Variants in COBL observed in about 807,000 individuals in gnomAD.
The protein encoded by COBL is protein cordon-bleu.
COBL carries 51 observed loss-of-function variants against 98.8 expected under a neutral mutation model. The observed-to-expected ratio is 0.52, with a 90% CI of 0.41 to 0.65. COBL has a LOEUF of 0.65. Among genes scored for constraint, COBL ranks in the 30% least tolerant of loss-of-function variants. The pLI, the probability that COBL is intolerant of heterozygous loss-of-function variation, is 0.00. For synonymous variants in COBL, 634 were observed against 651.7 expected, an observed-to-expected ratio of 0.97 and a Z score of 0.41; for missense variants, 1,617 against 1,617.5, an observed-to-expected ratio of 1.00 and a Z score of 0.01.
At chr7:51,283,295 A>C (rs564251168) in intron 1 of COBL, among the ~76,000 whole-genome samples, 1 of 152,200 alleles carries the variant, frequency 6.6e-6, no homozygotes, top group Non-Finnish European at 1.5e-5. Context: ...AAAAAAGAAG[A>C]TATCACTACA....
At chr7:51,141,138 A>G (rs899450356) in intron 5 of COBL, among the ~76,000 whole-genome samples, 8 of 152,134 alleles carry the variant, frequency 5.3e-5, no homozygotes, top group East Asian at 1.9e-4. Context: ...AAAAAAAAAA[A>G]AGAGAAATGG....
rs187871617 is a variant in COBL, at chr7:51,085,002, G to A, written c.1096+164C>T. ...CCAAATACTGCTAGTAAGATATGAA[G>A]TGAACTTGCAATTATTTCTTTCCAG... On this transcript the variant is annotated intron_variant, in intron 7 of 12. Coordinates refer to ENST00000265136, the MANE Select transcript of COBL (RefSeq NM_015198.5). Among the ~76,000 whole-genome samples the A allele has an allele frequency of 1.2e-4, 18 of 152,274 alleles. No individual in the cohort carries two copies. In the East Asian group the frequency reaches 3.3e-3, roughly 28 times the overall value.
rs5884200 is a variant in COBL at position 51,237,538 on chromosome 7, T to TAAAA, written c.42-17598_42-17595dup. Among the ~76,000 whole-genome samples the TAAAA allele has an allele frequency of 2.9e-3, 383 of 132,704 alleles. 4 individuals carry two copies. The highest frequency in any genetic ancestry group is 0.015 in the East Asian group (68 of 4,604). 87.1% of individuals were successfully genotyped at this position (132,704 alleles called of 152,430 possible). A position where few individuals can be genotyped will look rare whatever the true frequency, so the allele number is the denominator to read the frequency against. ...GAGTCCCTTAACCCTTTTTTTTTCT[T>TAAAA]AAAAAAAAAAAAAAAAAACTTCCAA... On this transcript the variant is annotated intron_variant, in intron 1 of 12. Coordinates refer to ENST00000265136, the MANE Select transcript of COBL (RefSeq NM_015198.5).
At chr7:51,237,168 C>G (rs1213057235) in intron 1 of COBL, among the ~76,000 whole-genome samples, 1 of 152,222 alleles carries the variant, frequency 6.6e-6, no homozygotes, top group African/African-American at 2.4e-5. Context: ...CCTCCCCAGA[C>G]TCCAGATCTG....
intron 10 of COBL, among the ~76,000 whole-genome samples, chr7:51,027,253 C>T (rs1470221255): frequency 6.6e-6 from 1 of 152,242 alleles, no homozygotes; most frequent in African/African-American, 2.4e-5. Context: ...AGTGCCTAGA[C>T]AATGGGCAAG....
At chr7:51,183,682 C>T (rs901594646) in intron 5 of COBL, among the ~76,000 whole-genome samples, 25 of 152,224 alleles carry the variant, frequency 1.6e-4, no homozygotes, top group Non-Finnish European at 2.9e-5. Flanking sequence ...TTCTCTGCCA[C>T]GAGGCATAAG....
chr7:51,030,516 T>G (rs1051459689), intron 9 of COBL, among the ~76,000 whole-genome samples: 1 of 152,250 alleles, frequency 6.6e-6, no homozygotes, highest in Non-Finnish European at 1.5e-5. Context: ...TGCGCCACCC[T>G]TTTTATTCTT....
chr7:51,112,731 T>C (rs1474522508), intron 6 of COBL, among the ~76,000 whole-genome samples: 2 of 152,166 alleles, frequency 1.3e-5, no homozygotes, highest in African/African-American at 4.8e-5. Context: ...CTTGGGGTCC[T>C]TGCATAAGAA....
chr7:51,063,105 T>C (rs1336797518), intron 7 of COBL, among the ~76,000 whole-genome samples: 1 of 151,522 alleles, frequency 6.6e-6, no homozygotes, highest in East Asian at 1.9e-4. Flanking sequence ...CTTGTGTGAC[T>C]GTATGAAGTA....
intron 5 of COBL, among the ~76,000 whole-genome samples, chr7:51,143,217 T>C (rs936390946): frequency 2.6e-5 from 4 of 152,146 alleles, no homozygotes; most frequent in South Asian, 4.1e-4. Flanking sequence ...CGTGTGTGTG[T>C]GTCTGTGTGA....
intron 5 of COBL, among the ~76,000 whole-genome samples, chr7:51,163,571 C>T (rs1027007985): frequency 6.6e-6 from 1 of 152,176 alleles, no homozygotes; most frequent in Non-Finnish European, 1.5e-5. Flanking sequence ...AGCCTTATTA[C>T]TTTGATTCAT....
intron 2 of COBL, among the ~76,000 whole-genome samples, chr7:51,209,908 A>G (rs1792245231): frequency 6.6e-6 from 1 of 152,188 alleles, no homozygotes; most frequent in African/African-American, 2.4e-5. Flanking sequence ...TTTTAGTCCA[A>G]TAACTGGTGA....
chr7:51,048,265 A>G (rs1389669402), intron 7 of COBL, among the ~76,000 whole-genome samples: 4 of 152,214 alleles, frequency 2.6e-5, no homozygotes, highest in African/African-American at 9.6e-5. Context: ...TTGACGTCTG[A>G]AAATTTCCAT....
chr7:51,174,239 T>C (rs1788148222), intron 5 of COBL, among the ~76,000 whole-genome samples: 1 of 152,174 alleles, frequency 6.6e-6, no homozygotes, highest in South Asian at 2.1e-4. Flanking sequence ...TATGCTCGGC[T>C]TGGAGCTGCT....
chr7:51,203,950 C>A (rs190304958), intron 2 of COBL, among the ~76,000 whole-genome samples: 1 of 152,108 alleles, frequency 6.6e-6, no homozygotes, highest in Admixed American at 6.5e-5. Context: ...ATATCCCTGA[C>A]GAACATGGAT....
chr7:51,273,320 T>C (rs1157146769), intron 1 of COBL, among the ~76,000 whole-genome samples: 3 of 98,124 alleles, frequency 3.1e-5, no homozygotes, highest in East Asian at 2.9e-4. Context: ...AGAATAAGAC[T>C]CCATCTCAAA....
intron 1 of COBL, among the ~76,000 whole-genome samples, chr7:51,246,569 G>A (rs1319152920): frequency 2.0e-5 from 3 of 152,182 alleles, no homozygotes; most frequent in Non-Finnish European, 4.4e-5. Flanking sequence ...AGAGAATCCT[G>A]CCTGCACACC....
At chr7:51,199,714 AC>A (rs1171592013) in intron 2 of COBL, among the ~76,000 whole-genome samples, 7 of 152,122 alleles carry the variant, frequency 4.6e-5, no homozygotes, top group Non-Finnish European at 8.8e-5. Context: ...TCAACAGAAA[AC>A]CTGATCGTGT....
intron 1 of COBL, among the ~76,000 whole-genome samples, chr7:51,287,241 A>G (rs1800453095): frequency 6.6e-6 from 1 of 152,192 alleles, no homozygotes; most frequent in South Asian, 2.1e-4. Flanking sequence ...TTATTCCAAA[A>G]TAAAAGTTGA....
Sources: allele counts gnomAD v4.1 joint callset (sites outside exome capture counted in the v4.1 genomes callset), GRCh38; gene constraint gnomAD v4.1.1; transcripts MANE v1.5; gene names NCBI Gene and HGNC (gene_info 2026-07-23, HGNC 2026-07-21).